Variants in NOP9 observed in about 807,000 individuals in gnomAD.
NOP9 encodes nucleolar protein 9.
A neutral mutation model predicts 63.0 loss-of-function variants in NOP9; 50 were observed. That is an observed-to-expected ratio of 0.79 (90% CI 0.63 to 1.00). The LOEUF (loss-of-function observed/expected upper bound fraction) is 1.00, where lower values mean the gene tolerates loss of function less well. NOP9 is among the 50% of genes least tolerant of loss of function. NOP9 has a pLI of 0.00. For synonymous variants in NOP9, 343 were observed against 332.8 expected, an observed-to-expected ratio of 1.03 and a Z score of -0.33; for missense variants, 758 against 803.0, an observed-to-expected ratio of 0.94 and a Z score of 0.68.
At chr14:24,276,025 G>A in the NOP9 span, among the ~76,000 whole-genome samples, 1 of 152,162 alleles carries the variant, frequency 6.6e-6, no homozygotes, top group East Asian at 1.9e-4. Context: ...AATGTGCCTA[G>A]TGCAATTGAG....
the NOP9 span, among the ~76,000 whole-genome samples, chr14:24,285,527 A>G: frequency 1.3e-5 from 2 of 152,054 alleles, no homozygotes; most frequent in Non-Finnish European, 2.9e-5. Context: ...TGAATATCTT[A>G]GATGTTTGCT....
chr14:24,303,893 G>A, intron 7 of NOP9, 36 bp downstream of exon 7: 1 of 1,609,608 alleles, frequency 6.2e-7, no homozygotes. Flanking sequence ...GTGACTAATT[G>A]GGAGTCAGGC....
At chr14:24,297,847 T>C (rs935481893), upstream of NOP9, among the ~76,000 whole-genome samples, 6 of 152,140 alleles carry the variant, frequency 3.9e-5, no homozygotes, top group Admixed American at 3.9e-4. Flanking sequence ...CTTTCAAAAC[T>C]CAGTTCAAGA....
At chr14:24,297,098 G>A (rs1328058620), upstream of NOP9, among the ~76,000 whole-genome samples, 1 of 152,250 alleles carries the variant, frequency 6.6e-6, no homozygotes, top group East Asian at 1.9e-4. Context: ...GAATTGCAAT[G>A]TAAGTTTTAA....
chr14:24,296,937 A>G, upstream of NOP9: 2 of 1,608,924 alleles, frequency 1.2e-6, no homozygotes, highest in Non-Finnish European at 1.7e-6. Context: ...GAGTCATGAC[A>G]AAACTCCCCA....
At chr14:24,292,353 G>A in the NOP9 span, 1 of 1,613,040 alleles carries the variant, frequency 6.2e-7, no homozygotes, top group East Asian at 2.2e-5. Flanking sequence ...GGAAGGCAGG[G>A]TAAGAGCCAC....
chr14:24,300,233 G>T, intron 1 of NOP9, 32 bp downstream of exon 1: 3 of 1,607,174 alleles, frequency 1.9e-6, no homozygotes, highest in East Asian at 2.2e-5. Context: ...TAGACCAAGA[G>T]CATCAAATCC....
the NOP9 span, among the ~76,000 whole-genome samples, chr14:24,279,936 A>G: frequency 6.6e-6 from 1 of 152,170 alleles, no homozygotes; most frequent in African/African-American, 2.4e-5. Context: ...GAAGGATGGG[A>G]TGCTGTCGCT....
In NOP9 at chr14:24,301,996, T is replaced by A; in HGVS notation, c.840T>A (p.Cys280Ter). The A allele has an allele frequency of 6.2e-7, 1 of 1,614,084 alleles. No individual in the cohort carries two copies. The highest frequency in any genetic ancestry group is 8.5e-7 in the Non-Finnish European group (1 of 1,179,994). The change falls in exon 4 of 10, where the codon TGT (cysteine) becomes TGA (stop). Residue 280 changes from cysteine to a stop codon, truncating the protein, a stop_gained. Coordinates refer to ENST00000267425, the MANE Select transcript of NOP9 (RefSeq NM_174913.3). LOFTEE classifies it high-confidence loss of function. ...TCACTGATAAGATCTCCAGCTTCTG[T>A]CTTCAAGTGGCTTTACAGGTTTTAC... ...VFITDKISSF[C>*]LQVALQVLHR...
rs745723361 is a variant in NOP9 at position 24,304,919 on chromosome 14, T to C, written c.1754-19T>C. ...TCTTTGAGCATGGTAGTACTAAACA[T>C]GAGTGGTTCCCTTTGCAGGGGAGCA... On this transcript the variant is annotated intron_variant, in intron 9 of 9. Coordinates refer to ENST00000267425, the MANE Select transcript of NOP9 (RefSeq NM_174913.3). The C allele has an allele frequency of 2.0e-6, 3 of 1,512,762 alleles. No individual in the cohort carries two copies. The highest frequency in any genetic ancestry group is 2.4e-5 in the East Asian group (1 of 42,488). The allele number at this position is 1,512,762 out of a possible 1,614,324, so 93.7% of individuals were successfully genotyped here. A position where few individuals can be genotyped will look rare whatever the true frequency, so the allele number is the denominator to read the frequency against.
In NOP9 at chr14:24,307,516, C is replaced by G. The variant is rs774670157; in HGVS notation, c.*2421C>G. On this transcript the variant is annotated 3_prime_UTR_variant, in exon 10 of 10. Coordinates refer to ENST00000267425, the MANE Select transcript of NOP9 (RefSeq NM_174913.3). ...CTCCGAGCTTATATTAGATACTGAC[C>G]TGGTAGTTGAGAAGAAAAGTCAAGA... The G allele has an allele frequency of 5.0e-6, 8 of 1,612,180 alleles. No homozygotes were observed. The highest frequency in any genetic ancestry group is 3.3e-5 in the Admixed American group (2 of 59,770).
At chr14:24,295,145 A>G (rs1419562541), upstream of NOP9, among the ~76,000 whole-genome samples, 1 of 152,252 alleles carries the variant, frequency 6.6e-6, no homozygotes, top group African/African-American at 2.4e-5. Context: ...AAATGATCAT[A>G]CATCCTCCCA....
In NOP9 at chr14:24,303,060, A is replaced by G. The variant is rs1399475654; in HGVS notation, c.1144-14A>G. The G allele has an allele frequency of 2.0e-6, 3 of 1,507,704 alleles. No individual in the cohort carries two copies. The highest frequency in any genetic ancestry group is 2.7e-6 in the Non-Finnish European group (3 of 1,131,118). 93.4% of individuals were successfully genotyped at this position (1,507,704 alleles called of 1,614,324 possible). Reference sequence around the variant, plus strand: ...TACCAGAATGCCAGAGTTACATTCCATGTTTCCCATCAGCTGTCCCCTGTG... The same window carrying G: ...TACCAGAATGCCAGAGTTACATTCCGTGTTTCCCATCAGCTGTCCCCTGTG... On this transcript the variant is annotated splice_polypyrimidine_tract_variant and intron_variant, in intron 5 of 9. Transcript: ENST00000267425.
chr14:24,300,027 G>A lies in NOP9; in HGVS notation c.73G>A (p.Ala25Thr). Residue 25 changes from alanine (A) to threonine (T), a missense_variant, in exon 1 of 10, where the codon GCC (alanine) becomes ACC (threonine). By Grantham distance (58) the Ala-to-Thr change is moderately conservative. Transcript: ENST00000267425. ...FPAGGKRGRG[A>T]KGSGRPLPGR... The stretch of plus-strand genomic sequence containing the variant: ...AGCTGGTGGCAAACGGGGGCGCGGG[G>A]CCAAGGGGTCGGGGCGCCCCTTACC... The A allele has an allele frequency of 6.2e-7, 1 of 1,605,764 alleles. No individual in the cohort carries two copies. Among genetic ancestry groups the A allele is most frequent in the Non-Finnish European group, 8.5e-7 (1 of 1,176,074 alleles).
At position 24,305,211 on chromosome 14, in the gene NOP9, T is replaced by C; in HGVS notation, c.*116T>C. ...CTTAGTGGTAAATATTTGATATTTT[T>C]ATTGGAAATGTTTTTGTTAGTTTGA... On this transcript the variant is annotated 3_prime_UTR_variant, in exon 10 of 10. Coordinates refer to ENST00000267425, the MANE Select transcript of NOP9 (RefSeq NM_174913.3). 3 of 1,127,430 alleles carry C rather than the reference T, an allele frequency of 2.7e-6. No homozygotes were observed. Among genetic ancestry groups the C allele is most frequent in the Non-Finnish European group, 3.6e-6 (3 of 843,750 alleles). The allele number at this position is 1,127,430 out of a possible 1,614,324, so 69.8% of individuals were successfully genotyped here. A position where few individuals can be genotyped will look rare whatever the true frequency, so the allele number is the denominator to read the frequency against.
chr14:24,296,514 T>A, upstream of NOP9: 1 of 1,614,068 alleles, frequency 6.2e-7, no homozygotes, highest in Non-Finnish European at 8.5e-7. Flanking sequence ...CCCACCTGAG[T>A]CCGACGTTGT....
At chr14:24,292,035 A>G in the NOP9 span, 3 of 1,019,632 alleles carry the variant, frequency 2.9e-6, no homozygotes, top group Non-Finnish European at 4.4e-6. Context: ...TATCTCCCTT[A>G]CAGGATTAAA....
chr14:24,292,817 C>G, the NOP9 span: 3 of 1,603,210 alleles, frequency 1.9e-6, no homozygotes. Flanking sequence ...AAGGAATGAA[C>G]CGTGTTAGTG....
Position 24,302,274 on chromosome 14 carries a change from C to T in NOP9, c.993C>T (p.Leu331=). Residue 331 remains leucine (L), a synonymous_variant, in exon 5 of 10, where the codon CTC becomes CTT. Coordinates refer to ENST00000267425, the MANE Select transcript of NOP9 (RefSeq NM_174913.3). The part of the protein sequence containing the change: ...LFLRDQTSSR[L]LEQVLLVLEP... ...TCCGAGATCAGACGAGTTCCAGACT[C>T]CTGGAGCAGGTCCTGCTGGTGTTGG... 6.2e-7 allele frequency: 1 copy of T among 1,614,160 alleles called. No individual in the cohort carries two copies.
Sources: gnomAD v4.1 joint callset for allele counts (sites outside exome capture counted in the v4.1 genomes callset) on GRCh38, gnomAD v4.1.1 for gene constraint, MANE v1.5 for transcripts, NCBI Gene and HGNC (gene_info 2026-07-23, HGNC 2026-07-21) for gene names.